Variants in IL1RAPL1 observed in about 807,000 individuals in gnomAD.
The protein encoded by IL1RAPL1 is interleukin 1 receptor accessory protein like 1, also known as interleukin-1 receptor accessory protein-like 1.
In IL1RAPL1, 3 loss-of-function variants were observed where a neutral mutation model predicts 48.4. The ratio of observed to expected loss-of-function variants is 0.06; its 90% CI spans 0.03 to 0.16. The LOEUF (loss-of-function observed/expected upper bound fraction) is 0.16, where lower values mean the gene tolerates loss of function less well. IL1RAPL1 is among the 10% of genes least tolerant of loss of function. IL1RAPL1 has a pLI of 1.00. For missense variants in IL1RAPL1, 349 were observed against 530.6 expected (o/e 0.66, Z 3.36); for synonymous variants, 185 against 187.7 (o/e 0.99, Z 0.12).
At chrX:29,270,703 A>G (rs982542137) in intron 2 of IL1RAPL1, among the ~76,000 whole-genome samples, 36 of 112,148 alleles carry the variant, frequency 3.2e-4, no homozygotes, top group African/African-American at 1.1e-3. Flanking sequence ...TAAATCTTGA[A>G]ATCAGGTAGC....
intron 2 of IL1RAPL1, among the ~76,000 whole-genome samples, chrX:29,149,788 G>C (rs1929424034): frequency 8.9e-6 from 1 of 111,897 alleles, no homozygotes; most frequent in South Asian, 3.8e-4. Context: ...AGAAGATGAA[G>C]ATGTGGAGGC....
intron 6 of IL1RAPL1, among the ~76,000 whole-genome samples, chrX:29,759,914 C>T (rs1255806039): frequency 9.0e-6 from 1 of 111,174 alleles, no homozygotes; most frequent in Non-Finnish European, 1.9e-5. Context: ...TATTTACCAC[C>T]GTAACAACTT....
Position 29,756,515 on chromosome X carries a change from C to T in IL1RAPL1, c.778+88011C>T, listed in dbSNP as rs5972860. Among the ~76,000 whole-genome samples the T allele has an allele frequency of 4.1e-3, 449 of 110,754 alleles. 3 individuals are homozygous for T. The highest frequency in any genetic ancestry group is 0.014 in the African/African-American group (424 of 30,403). On this transcript the variant is annotated intron_variant, in intron 6 of 10. Coordinates refer to ENST00000378993, the MANE Select transcript of IL1RAPL1 (RefSeq NM_014271.4). ...GGAACCTCTGCCTCCCAGGTTCAAG[C>T]GATTCTCCTGTCTCAGCCTCCCGAG...
At chrX:28,800,217 C>T (rs1389479407) in intron 2 of IL1RAPL1, among the ~76,000 whole-genome samples, 1 of 111,747 alleles carries the variant, frequency 8.9e-6, no homozygotes, top group Non-Finnish European at 1.9e-5. Flanking sequence ...CTGCTTTTCT[C>T]TTATAAGGAC....
intron 5 of IL1RAPL1, among the ~76,000 whole-genome samples, chrX:29,613,098 G>C (rs185459025): frequency 1.9e-4 from 21 of 111,888 alleles, no homozygotes; most frequent in African/African-American, 6.8e-4. Flanking sequence ...TTCTACATCA[G>C]CACTATCAAA....
At chrX:28,727,797 A>G (rs1015336477) in intron 1 of IL1RAPL1, among the ~76,000 whole-genome samples, 1 of 111,221 alleles carries the variant, frequency 9.0e-6, no homozygotes, top group Non-Finnish European at 1.9e-5. Context: ...GATAATCATC[A>G]TTCTCAGTAA....
At chrX:28,955,982 C>G (rs1419797719) in intron 2 of IL1RAPL1, among the ~76,000 whole-genome samples, 1 of 102,674 alleles carries the variant, frequency 9.7e-6, no homozygotes, top group African/African-American at 3.7e-5. Context: ...AGAGGTCCTT[C>G]ACATCCCTTG....
chrX:28,847,349 C>T (rs1401628273), intron 2 of IL1RAPL1, among the ~76,000 whole-genome samples: 3 of 111,533 alleles, frequency 2.7e-5, no homozygotes, highest in Non-Finnish European at 5.6e-5. Flanking sequence ...ACTGTTTTCT[C>T]TGCTTTCTCC....
At chrX:29,650,538 T>C (rs184488705) in intron 5 of IL1RAPL1, among the ~76,000 whole-genome samples, 1 of 110,882 alleles carries the variant, frequency 9.0e-6, no homozygotes, top group East Asian at 2.8e-4. Context: ...AAGCAGTCTC[T>C]TCAATAAATG....
chrX:29,087,258 C>T (rs1927974040), intron 2 of IL1RAPL1, among the ~76,000 whole-genome samples: 1 of 108,560 alleles, frequency 9.2e-6, no homozygotes, highest in Admixed American at 9.9e-5. Flanking sequence ...CTGCCTCAGC[C>T]TCCCAAGTAG....
At chrX:28,721,528 C>T (rs1362953831) in intron 1 of IL1RAPL1, among the ~76,000 whole-genome samples, 1 of 111,172 alleles carries the variant, frequency 9.0e-6, no homozygotes, top group Non-Finnish European at 1.9e-5. Context: ...CAAAAATTTT[C>T]TCCCATTCTA....
intron 1 of IL1RAPL1, among the ~76,000 whole-genome samples, chrX:28,612,164 C>T (rs1457482200): frequency 9.0e-6 from 1 of 111,466 alleles, no homozygotes; most frequent in Non-Finnish European, 1.9e-5. Context: ...AACTATGACC[C>T]GCCACTCTGC....
At chrX:29,131,043 GA>G (rs1302741689) in intron 2 of IL1RAPL1, among the ~76,000 whole-genome samples, 2 of 111,844 alleles carry the variant, frequency 1.8e-5, no homozygotes, top group African/African-American at 3.3e-5. Context: ...CTGCGGAGAA[GA>G]AAACCGTGTT....
At chrX:28,916,891 A>G (rs1431841280) in intron 2 of IL1RAPL1, among the ~76,000 whole-genome samples, 1 of 112,104 alleles carries the variant, frequency 8.9e-6, no homozygotes, top group African/African-American at 3.2e-5. Flanking sequence ...ATCTTTTATT[A>G]TAATTTAGAT....
intron 2 of IL1RAPL1, among the ~76,000 whole-genome samples, chrX:29,189,982 G>A (rs1051557418): frequency 9.0e-6 from 1 of 111,617 alleles, no homozygotes; most frequent in African/African-American, 3.3e-5. Context: ...CATGGACCTT[G>A]AAGTTAGGCA....
At chrX:29,205,958 C>T (rs981974015) in intron 2 of IL1RAPL1, among the ~76,000 whole-genome samples, 1 of 108,567 alleles carries the variant, frequency 9.2e-6, no homozygotes, top group East Asian at 2.9e-4. Flanking sequence ...CCAGGCTGGT[C>T]TTGAATTCCT....
At chrX:29,440,760 C>T (rs1934539318) in intron 5 of IL1RAPL1, among the ~76,000 whole-genome samples, 1 of 111,939 alleles carries the variant, frequency 8.9e-6, no homozygotes, top group Non-Finnish European at 1.9e-5. Flanking sequence ...ATGAAGGAAA[C>T]CATTTAGAAC....
intron 2 of IL1RAPL1, among the ~76,000 whole-genome samples, chrX:29,219,515 G>A (rs1476154705): frequency 9.0e-6 from 1 of 111,313 alleles, no homozygotes; most frequent in African/African-American, 3.3e-5. Flanking sequence ...AGAGTTCTAG[G>A]ATTGTGCCCA....
intron 3 of IL1RAPL1, among the ~76,000 whole-genome samples, chrX:29,339,112 ACG>A (rs1933039048): frequency 9.1e-6 from 1 of 109,335 alleles, no homozygotes; most frequent in South Asian, 3.9e-4. Flanking sequence ...ACACACACAC[ACG>A]CACACACTCA....
Sources: gnomAD v4.1 joint callset for allele counts (sites outside exome capture counted in the v4.1 genomes callset) on GRCh38, gnomAD v4.1.1 for gene constraint, MANE v1.5 for transcripts, NCBI Gene and HGNC (gene_info 2026-07-23, HGNC 2026-07-21) for gene names.